The following FAM13A variants were observed in gnomAD, a reference collection of about 807,000 sequenced individuals.
FAM13A encodes the protein protein FAM13A.
In FAM13A, 76 loss-of-function variants were observed where a neutral mutation model predicts 129.6. The observed-to-expected ratio is 0.59, with a 90% confidence interval of 0.49 to 0.71. The LOEUF (loss-of-function observed/expected upper bound fraction) is 0.71. FAM13A is among the 30% of genes least tolerant of loss of function. FAM13A has a pLI of 0.00. For missense variants in FAM13A, 1,108 were observed against 1,249.3 expected (o/e 0.89, Z 1.70); for synonymous variants, 443 against 449.9 (o/e 0.98, Z 0.20).
chr4:88,889,851 G>A (rs1745054562), intron 6 of FAM13A, among the ~76,000 whole-genome samples: 1 of 152,158 alleles, frequency 6.6e-6, no homozygotes, highest in Non-Finnish European at 1.5e-5. Flanking sequence ...TGAAAGAACC[G>A]AGAAATACAC....
intron 4 of FAM13A, among the ~76,000 whole-genome samples, chr4:88,962,759 A>G (rs1362391762): frequency 6.6e-6 from 1 of 152,224 alleles, no homozygotes; most frequent in Non-Finnish European, 1.5e-5. Context: ...GGCCACTGAA[A>G]TGTGAGTGCA....
intron 6 of FAM13A, among the ~76,000 whole-genome samples, chr4:88,868,134 A>C (rs1740756264): frequency 6.6e-6 from 1 of 152,182 alleles, no homozygotes; most frequent in Admixed American, 6.5e-5. Context: ...CTAATCAATA[A>C]ATATGCTGCT....
At chr4:88,920,682 C>T (rs540833771) in intron 5 of FAM13A, among the ~76,000 whole-genome samples, 13 of 152,260 alleles carry the variant, frequency 8.5e-5, no homozygotes, top group Middle Eastern at 3.4e-3. Context: ...TCACCAGCAA[C>T]GGAACAAAGC....
At chr4:88,913,559 G>A (rs1308835153) in intron 5 of FAM13A, among the ~76,000 whole-genome samples, 2 of 151,744 alleles carry the variant, frequency 1.3e-5, no homozygotes, top group East Asian at 3.9e-4. Context: ...AAGAGGAGGA[G>A]GAGGAAGAAG....
chr4:88,860,356 A>G (rs1190382026), intron 6 of FAM13A, among the ~76,000 whole-genome samples: 1 of 152,216 alleles, frequency 6.6e-6, no homozygotes, highest in African/African-American at 2.4e-5. Context: ...TCTGTGCTGT[A>G]AGACTTACAC....
intron 5 of FAM13A, 100 bp downstream of exon 5, chr4:88,937,988 T>C: frequency 1.2e-6 from 1 of 830,652 alleles, no homozygotes; most frequent in Non-Finnish European, 2.0e-6. Context: ...AATAATAATC[T>C]GAGGGTTATA....
At chr4:88,765,681 GA>G (rs1745599225) in intron 13 of FAM13A, among the ~76,000 whole-genome samples, 1 of 152,198 alleles carries the variant, frequency 6.6e-6, no homozygotes, top group African/African-American at 2.4e-5. Context: ...TTCAGTGAAA[GA>G]AGCACATACT....
At chr4:88,823,436 G>C in intron 7 of FAM13A, 2 of 632,044 alleles carry the variant, frequency 3.2e-6, no homozygotes, top group Non-Finnish European at 4.0e-6. Flanking sequence ...GCCTAGTTCT[G>C]GTAACTTGAA....
At chr4:88,732,425 T>A in intron 21 of FAM13A, 1 of 387,602 alleles carries the variant, frequency 2.6e-6, no homozygotes. Context: ...GAAAACAGAC[T>A]GCAAAACTAT....
chr4:88,945,591 T>C (rs1302813582), intron 4 of FAM13A, among the ~76,000 whole-genome samples: 2 of 151,804 alleles, frequency 1.3e-5, no homozygotes, highest in Non-Finnish European at 2.9e-5. Flanking sequence ...CCCAAATATT[T>C]ATACAATCTA....
intron 5 of FAM13A, among the ~76,000 whole-genome samples, chr4:88,932,310 C>A (rs1261259520): frequency 1.3e-5 from 2 of 152,158 alleles, no homozygotes; most frequent in African/African-American, 4.8e-5. Context: ...AGATCAATTA[C>A]TTGTGAGGTT....
At chr4:88,893,656 ATAAAT>A (rs1438114099) in intron 6 of FAM13A, among the ~76,000 whole-genome samples, 3 of 149,764 alleles carry the variant, frequency 2.0e-5, no homozygotes, top group Non-Finnish European at 4.4e-5. Context: ...AAATAAATAA[ATAAAT>A]AAATAAATAA....
At chr4:88,969,931 ACTT>A (rs1467559389) in intron 4 of FAM13A, among the ~76,000 whole-genome samples, 1 of 152,174 alleles carries the variant, frequency 6.6e-6, no homozygotes, top group Non-Finnish European at 1.5e-5. Context: ...TGTAGGGCTG[ACTT>A]CTTCTACTTT....
At chr4:88,849,189 A>G (rs1276382237) in intron 7 of FAM13A, among the ~76,000 whole-genome samples, 2 of 152,158 alleles carry the variant, frequency 1.3e-5, no homozygotes, top group Non-Finnish European at 2.9e-5. Flanking sequence ...TTCATCTTCT[A>G]TCTCCCCAAG....
chr4:88,813,397 C>A (rs915676672), intron 7 of FAM13A, among the ~76,000 whole-genome samples: 1 of 151,936 alleles, frequency 6.6e-6, no homozygotes, highest in African/African-American at 2.4e-5. Flanking sequence ...AATACAGTAA[C>A]GTTCTTTGGG....
chr4:88,884,484 A>G (rs889259322), intron 6 of FAM13A, among the ~76,000 whole-genome samples: 4 of 152,198 alleles, frequency 2.6e-5, no homozygotes, highest in Non-Finnish European at 5.9e-5. Context: ...CAAAACTGGC[A>G]TAGAAGAGGC....
chr4:88,803,074 T>A (rs1166665792), intron 8 of FAM13A, among the ~76,000 whole-genome samples: 1 of 152,210 alleles, frequency 6.6e-6, no homozygotes, highest in East Asian at 1.9e-4. Context: ...TTCCCAGCCC[T>A]ATCCGCTCCA....
intron 4 of FAM13A, among the ~76,000 whole-genome samples, chr4:88,955,776 T>G (rs925372128): frequency 6.6e-6 from 1 of 152,204 alleles, no homozygotes; most frequent in South Asian, 2.1e-4. Context: ...ACTTTGCCCT[T>G]GCCCTAGAGG....
chr4:89,005,300 T>TTTATCCAATC (rs752787413), intron 3 of FAM13A, among the ~76,000 whole-genome samples: 70 of 152,350 alleles, frequency 4.6e-4, no homozygotes, highest in Non-Finnish European at 7.8e-4. Context: ...TTATATTTTC[T>TTTATCCAATC]TTATCCAATC....
Sources: gnomAD v4.1 joint callset for allele counts (sites outside exome capture counted in the v4.1 genomes callset) on GRCh38, gnomAD v4.1.1 for gene constraint, MANE v1.5 for transcripts, NCBI Gene and HGNC (gene_info 2026-07-23, HGNC 2026-07-21) for gene names.